The following GREB1L variants were observed in gnomAD, a reference collection of about 807,000 sequenced individuals.
GREB1L encodes GREB1 like retinoic acid receptor coactivator.
Under a neutral mutation model 200.8 loss-of-function variants are expected in GREB1L, and 17 were observed. The ratio of observed to expected loss-of-function variants is 0.08; its 90% confidence interval spans 0.06 to 0.13. GREB1L has a LOEUF of 0.13. Ranked by LOEUF, GREB1L falls within the 10% of genes least tolerant of loss-of-function variation. GREB1L has a pLI of 1.00. For missense variants in GREB1L, 1,657 were observed against 2,367.7 expected (o/e 0.70, Z 6.23); for synonymous variants, 789 against 893.0 (o/e 0.88, Z 2.08).
At chr18:21,393,857 C>T (rs564048238) in intron 4 of GREB1L, among the ~76,000 whole-genome samples, 3 of 152,248 alleles carry the variant, frequency 2.0e-5, no homozygotes, top group East Asian at 3.9e-4. Flanking sequence ...CCACTGCGCC[C>T]GGCCTGAAAT....
At chr18:21,352,722 C>T (rs2039451665) in intron 1 of GREB1L, among the ~76,000 whole-genome samples, 1 of 151,958 alleles carries the variant, frequency 6.6e-6, no homozygotes, top group Non-Finnish European at 1.5e-5. Context: ...GCATGAGCCA[C>T]TGCACCCGGC....
At chr18:21,278,385 AAAAAAAATAAAT>A (rs1235292057) in intron 1 of GREB1L, among the ~76,000 whole-genome samples, 53 of 127,414 alleles carry the variant, frequency 4.2e-4, no homozygotes, top group African/African-American at 1.6e-3. Context: ...CATCTCAAAA[AAAAAAAATAAAT>A]AAATAAATAA....
chr18:21,249,116 C>T (rs1312509309), intron 1 of GREB1L, among the ~76,000 whole-genome samples: 3 of 151,716 alleles, frequency 2.0e-5, no homozygotes, highest in Non-Finnish European at 2.9e-5. Context: ...TTACATATGT[C>T]GTGAAACTAT....
intron 1 of GREB1L, among the ~76,000 whole-genome samples, chr18:21,324,317 A>C (rs1264104767): frequency 1.4e-4 from 22 of 152,308 alleles, no homozygotes; most frequent in African/African-American, 4.8e-4. Flanking sequence ...TCAAGAGCTT[A>C]GTTTGTGGGA....
chr18:21,433,794 G>A (rs1402506102), intron 7 of GREB1L, among the ~76,000 whole-genome samples: 2 of 152,210 alleles, frequency 1.3e-5, no homozygotes, highest in Non-Finnish European at 2.9e-5. Context: ...CTTAGAGCAT[G>A]CTCTCAGACT....
At chr18:21,479,253 A>G (rs2035825550) in intron 17 of GREB1L, among the ~76,000 whole-genome samples, 1 of 152,192 alleles carries the variant, frequency 6.6e-6, no homozygotes, top group African/African-American at 2.4e-5. Context: ...ATTGGAGTGT[A>G]GAGACAACTG....
intron 31 of GREB1L, among the ~76,000 whole-genome samples, 167 bp from the exon 32 acceptor site, chr18:21,520,521 C>CT (rs1200812549): frequency 1.3e-5 from 2 of 152,178 alleles, no homozygotes; most frequent in Non-Finnish European, 2.9e-5. Context: ...ATAAAGGAGG[C>CT]TGCAAAGCTT....
chr18:21,523,019 C>T lies in GREB1L; in HGVS notation c.*198C>T. On this transcript the variant is annotated 3_prime_UTR_variant, in exon 33 of 33. Transcript: ENST00000424526. ...TTTCCTTCAGTTCCAATTACAGGAC[C>T]CTTAAATTCAGGTAAACTCTATCCT... 1 of 512,272 alleles carries T rather than the reference C, an allele frequency of 2.0e-6. No individual in the cohort carries two copies. The highest frequency in any genetic ancestry group is 3.4e-6 in the Non-Finnish European group (1 of 294,554). The allele number at this position is 512,272 out of a possible 1,614,324, so 31.7% of individuals were successfully genotyped here.
In GREB1L at chr18:21,485,814, C is replaced by G. The variant is rs1289918486; in HGVS notation, c.2690+61C>G. The G allele has an allele frequency of 6.0e-6, 9 of 1,503,756 alleles. No individual in the cohort carries two copies. In the East Asian group the frequency reaches 2.2e-4, roughly 37 times the overall value. 93.2% of individuals were successfully genotyped at this position (1,503,756 alleles called of 1,614,324 possible). Reference sequence around the variant, plus strand: ...AGCTGTACTTGCAGATCTAAAATAGCCAAAAGCCTTTTGTGTCAGTGCTAC... The same window carrying G: ...AGCTGTACTTGCAGATCTAAAATAGGCAAAAGCCTTTTGTGTCAGTGCTAC... On this transcript the variant is annotated intron_variant, in intron 18 of 32. Transcript: ENST00000424526.
intron 1 of GREB1L, among the ~76,000 whole-genome samples, chr18:21,322,568 TCTC>T (rs2038966181): frequency 6.6e-6 from 1 of 152,130 alleles, no homozygotes; most frequent in African/African-American, 2.4e-5. Context: ...AAAAATTGAT[TCTC>T]TAGTTCATAT....
intron 1 of GREB1L, among the ~76,000 whole-genome samples, chr18:21,320,802 C>G (rs2038939778): frequency 6.6e-6 from 1 of 150,668 alleles, no homozygotes; most frequent in African/African-American, 2.4e-5. Context: ...GCAACAAAGG[C>G]CTTCCTAGAA....
intron 15 of GREB1L, 52 bp downstream of exon 15, chr18:21,454,615 CT>C (rs754244717): frequency 1.5e-6 from 2 of 1,335,012 alleles, no homozygotes; most frequent in Non-Finnish European, 2.1e-6. Context: ...TTCAGATCCC[CT>C]CTGCCTCTTT....
In GREB1L at chr18:21,481,439, ATGTGTGTGTGTGTGTGTG is replaced by A. The variant is rs34711292; in HGVS notation, c.2556+4105_2556+4122del. Among the ~76,000 whole-genome samples the A allele has an allele frequency of 6.3e-5, 8 of 127,552 alleles. No individual in the cohort carries two copies. In the East Asian group the frequency reaches 1.1e-3, roughly 18 times the overall value. 83.7% of individuals were successfully genotyped at this position (127,552 alleles called of 152,430 possible). ...GATTTTTGAGCAACAGTATATATGT[ATGTGTGTGTGTGTGTGTG>A]TGTGTGTGTGTGTGTGTGTGTATAT... On this transcript the variant is annotated intron_variant, in intron 17 of 32. Transcript: ENST00000424526.
At chr18:21,477,501 A>T in intron 17 of GREB1L, 145 bp downstream of exon 17, 1 of 651,366 alleles carries the variant, frequency 1.5e-6, no homozygotes, top group Non-Finnish European at 2.3e-6. Context: ...GAGTTCAAAA[A>T]TCTGGCTGGG....
At chr18:21,497,102 C>T (rs183335979) in intron 21 of GREB1L, among the ~76,000 whole-genome samples, 1 of 152,142 alleles carries the variant, frequency 6.6e-6, no homozygotes, top group African/African-American at 2.4e-5. Flanking sequence ...AAAATGTTTC[C>T]TAGAATGAAT....
At chr18:21,331,806 AAT>A (rs1224688545) in intron 1 of GREB1L, among the ~76,000 whole-genome samples, 1 of 152,240 alleles carries the variant, frequency 6.6e-6, no homozygotes, top group Non-Finnish European at 1.5e-5. Flanking sequence ...ACAGAAGATT[AAT>A]AAACACAGTT....
At chr18:21,502,237 C>T (rs980982703) in intron 23 of GREB1L, among the ~76,000 whole-genome samples, 27 of 148,712 alleles carry the variant, frequency 1.8e-4, no homozygotes, top group African/African-American at 5.0e-4. Flanking sequence ...GACGACAGAG[C>T]GAGACTCTGT....
At position 21,381,386 on chromosome 18, in the gene GREB1L, C is replaced by T. The variant is rs147613553; in HGVS notation, c.-9-2124C>T. Among the ~76,000 whole-genome samples the T allele has an allele frequency of 7.7e-3, 1,143 of 148,346 alleles. 19 individuals are homozygous for T. Among genetic ancestry groups the T allele is most frequent in the African/African-American group, 0.027 (1,098 of 40,138 alleles). ...TTGCGCCACTGCACTCCAGCCTGGG[C>T]GACAGAGTGAGACTGCATCTCAAAA... On this transcript the variant is annotated intron_variant, in intron 2 of 32. Transcript: ENST00000424526.
intron 1 of GREB1L, among the ~76,000 whole-genome samples, chr18:21,325,915 A>G (rs925717889): frequency 6.6e-6 from 1 of 151,666 alleles, no homozygotes; most frequent in African/African-American, 2.4e-5. Flanking sequence ...CAAATTCCCT[A>G]GCCTAATTGG....
Sources: gnomAD v4.1 joint callset for allele counts (sites outside exome capture counted in the v4.1 genomes callset) on GRCh38, gnomAD v4.1.1 for gene constraint, MANE v1.5 for transcripts, NCBI Gene and HGNC (gene_info 2026-07-23, HGNC 2026-07-21) for gene names.